Variants in PLLP observed in about 807,000 individuals in gnomAD.
PLLP encodes the protein plasma membrane proteolipid (plasmolipin).
PLLP carries 15 observed loss-of-function variants against 19.7 expected under a neutral mutation model. The ratio of observed to expected loss-of-function variants is 0.76; its 90% CI spans 0.51 to 1.17. The LOEUF (loss-of-function observed/expected upper bound fraction) is 1.17, where lower values mean the gene tolerates loss of function less well. Among genes scored for constraint, PLLP ranks in the 50% most tolerant of loss-of-function variants. The pLI, the probability that PLLP is intolerant of heterozygous loss-of-function variation, is 0.00. For missense variants in PLLP, 255 were observed against 258.3 expected (o/e 0.99, Z 0.09); for synonymous variants, 111 against 116.3 (o/e 0.95, Z 0.29).
chr16:57,270,196 C>T (rs1885170716), intron 1 of PLLP, among the ~76,000 whole-genome samples: 4 of 150,102 alleles, frequency 2.7e-5, no homozygotes, highest in Non-Finnish European at 1.5e-5. Flanking sequence ...AGTCTATCCA[C>T]AACCCCCTTT....
chr16:57,263,020 A>G (rs1452898856), intron 1 of PLLP, among the ~76,000 whole-genome samples: 1 of 152,142 alleles, frequency 6.6e-6, no homozygotes. Context: ...CACCCAGCAC[A>G]GGCCCTAGGC....
intron 1 of PLLP, among the ~76,000 whole-genome samples, chr16:57,262,708 C>G (rs1162249694): frequency 6.6e-6 from 1 of 152,086 alleles, no homozygotes; most frequent in Non-Finnish European, 1.5e-5. Context: ...GCATGCCAAC[C>G]TCAGAGACAG....
At chr16:57,271,629 G>A (rs2075476196) in intron 1 of PLLP, among the ~76,000 whole-genome samples, 1 of 151,332 alleles carries the variant, frequency 6.6e-6, no homozygotes, top group Non-Finnish European at 1.5e-5. Context: ...TGGGCAATAA[G>A]AGCAAAACTC....
At chr16:57,265,700 G>C (rs2075454745) in intron 1 of PLLP, among the ~76,000 whole-genome samples, 1 of 152,184 alleles carries the variant, frequency 6.6e-6, no homozygotes, top group African/African-American at 2.4e-5. Context: ...GGGAATCTCA[G>C]GAGGCAATGT....
chr16:57,273,268 A>T (rs1901103004), intron 1 of PLLP, among the ~76,000 whole-genome samples: 1 of 151,936 alleles, frequency 6.6e-6, no homozygotes, highest in African/African-American at 2.4e-5. Context: ...TCAAAAAAAA[A>T]AAAGTTGGGG....
intron 1 of PLLP, among the ~76,000 whole-genome samples, chr16:57,266,790 C>T (rs2075458585): frequency 6.6e-6 from 1 of 152,014 alleles, no homozygotes; most frequent in Admixed American, 6.6e-5. Flanking sequence ...CTCTGAGGTC[C>T]CTGCCATGCC....
At chr16:57,257,080 A>G in intron 3 of PLLP, 51 bp from the exon 4 acceptor site, 4 of 1,318,214 alleles carry the variant, frequency 3.0e-6, no homozygotes, top group Non-Finnish European at 4.4e-6. Flanking sequence ...ACAGTGACAC[A>G]AGCTCCAACC....
intron 1 of PLLP, among the ~76,000 whole-genome samples, chr16:57,265,650 C>T (rs1046211502): frequency 6.6e-6 from 1 of 152,322 alleles, no homozygotes; most frequent in East Asian, 1.9e-4. Flanking sequence ...CATCACCAGA[C>T]CCTCCTCAAA....
chr16:57,275,941 C>T (rs1477938566), intron 1 of PLLP, among the ~76,000 whole-genome samples: 1 of 152,266 alleles, frequency 6.6e-6, no homozygotes, highest in South Asian at 2.1e-4. Context: ...TATAGTGAGA[C>T]CATGTCTCTA....
chr16:57,257,206 C>T (rs111854246), intron 3 of PLLP, among the ~76,000 whole-genome samples, 177 bp from the exon 4 acceptor site: 5,570 of 152,306 alleles, frequency 0.037, 108 homozygotes, highest in Middle Eastern at 0.1. Context: ...GGGATACCAA[C>T]ATTACCTTCT....
intron 1 of PLLP, among the ~76,000 whole-genome samples, chr16:57,268,986 G>A (rs1407747110): frequency 1.3e-5 from 2 of 152,166 alleles, no homozygotes. Flanking sequence ...AAGGACCCAC[G>A]TCAGTGCCAG....
intron 2 of PLLP, among the ~76,000 whole-genome samples, chr16:57,260,625 T>G (rs2075439151): frequency 6.6e-6 from 1 of 152,174 alleles, no homozygotes; most frequent in Non-Finnish European, 1.5e-5. Flanking sequence ...TACAATCATG[T>G]GCCTTTCTCG....
Position 57,262,089 on chromosome 16 carries a change from G to A in PLLP, c.136-19C>T. Reference sequence around the variant, plus strand: ...CCAGCACCTAGGAGGGTCAGACAAGGCAGGATTGGCCAGAGATGCGGTTTC... The same window carrying A: ...CCAGCACCTAGGAGGGTCAGACAAGACAGGATTGGCCAGAGATGCGGTTTC... On this transcript the variant is annotated intron_variant, in intron 1 of 3. Transcript: ENST00000219207. 6.2e-7 allele frequency: 1 copy of A among 1,613,276 alleles called. No individual in the cohort carries two copies. The highest frequency in any genetic ancestry group is 8.5e-7 in the Non-Finnish European group (1 of 1,179,282).
At chr16:57,264,590 A>C (rs905973533) in intron 1 of PLLP, among the ~76,000 whole-genome samples, 7 of 152,228 alleles carry the variant, frequency 4.6e-5, no homozygotes, top group African/African-American at 1.4e-4. Context: ...TATGCCTGTA[A>C]TCCTAGCATT....
At position 57,284,440 on chromosome 16, in the gene PLLP, C is replaced by A; in HGVS notation, c.101G>T (p.Arg34Leu). The A allele has an allele frequency of 1.4e-6, 2 of 1,401,214 alleles. No homozygotes were observed. The highest frequency in any genetic ancestry group is 1.9e-6 in the Non-Finnish European group (2 of 1,074,682). 86.8% of individuals were successfully genotyped at this position (1,401,214 alleles called of 1,614,324 possible). Residue 34 changes from arginine to leucine, a missense_variant, in exon 1 of 4, where the codon CGC becomes CTC. By Grantham distance (102) the Arg-to-Leu change is moderately radical (BLOSUM62 -2). Transcript: ENST00000219207. ...SALRPDLGFV[R>L]SRLGALMLLQ... ...CAGCATGAGCGCCCCGAGGCGGGAG[C>A]GCACGAAGCCCAGGTCCGGGCGCAG...
rs1199766715 is a variant in PLLP at position 57,258,478 on chromosome 16, TG to T, written c.415del (p.Gln139SerfsTer12). Reference protein sequence around the residue: ...TSLRGTRPYNQRAAASFFACL... With the variant: ...TSLRGTRPYNXRAAASFFACL... ...CAGACTCACCGAGGCAGCCGCGCGC[TG>T]GTTATAAGGCCGGGTGCCCCTCAGG... On this transcript the variant is annotated frameshift_variant, in exon 3 of 4. Coordinates refer to ENST00000219207, the MANE Select transcript of PLLP (RefSeq NM_015993.3). LOFTEE classifies it high-confidence loss of function. 4.3e-6 allele frequency: 7 copies of T among 1,611,600 alleles called. No individual in the cohort carries two copies. Among genetic ancestry groups the T allele is most frequent in the African/African-American group, 2.7e-5 (2 of 74,802 alleles).
intron 1 of PLLP, among the ~76,000 whole-genome samples, chr16:57,262,431 A>C (rs11863126): frequency 0.014 from 2,138 of 152,218 alleles, 48 homozygotes; most frequent in African/African-American, 0.048. Context: ...GTGTGCCTGT[A>C]ATCCCAGCTA....
intron 1 of PLLP, among the ~76,000 whole-genome samples, chr16:57,281,728 G>A (rs1175063692): frequency 1.1e-4 from 17 of 152,080 alleles, no homozygotes; most frequent in Admixed American, 1.0e-3. Context: ...AGCCGGGATG[G>A]TCTCCGTCTC....
In PLLP at chr16:57,258,456, A is replaced by C; in HGVS notation, c.432+6T>G. ...ACCACCAAGGGAGCCTGGGAAGCAG[A>C]CTCACCGAGGCAGCCGCGCGCTGGT... On this transcript the variant is annotated splice_donor_region_variant and intron_variant, in intron 3 of 3. Transcript: ENST00000219207. 6.2e-7 allele frequency: 1 copy of C among 1,608,456 alleles called. No homozygotes were observed. Among genetic ancestry groups the C allele is most frequent in the Non-Finnish European group, 8.5e-7 (1 of 1,179,650 alleles).
Sources: gnomAD v4.1 joint callset for allele counts (sites outside exome capture counted in the v4.1 genomes callset) on GRCh38, gnomAD v4.1.1 for gene constraint, MANE v1.5 for transcripts, NCBI Gene and HGNC (gene_info 2026-07-23, HGNC 2026-07-21) for gene names.